QTGAL: variants seen among roughly 807,000 people sequenced by gnomAD.
QTGAL encodes BGnT-like protein 1.
chr17:83,015,685 C>T, the QTGAL span, among the ~76,000 whole-genome samples: 6 of 152,224 alleles, frequency 3.9e-5, no homozygotes, highest in East Asian at 5.8e-4. This position sits in a 1 kb window ranked among gnomAD's most constrained non-coding sequence, Gnocchi z 4.4. Context: ...GAGCGGCGGC[C>T]GGGCGAGCGT....
chr17:82,994,363 G>C, the QTGAL span, among the ~76,000 whole-genome samples: 125,806 of 151,998 alleles, frequency 0.83, 52,573 homozygotes, highest in African/African-American at 0.95. Context: ...GTATGAGCAA[G>C]TATACACCAA....
the QTGAL span, among the ~76,000 whole-genome samples, chr17:83,019,347 CAA>C: frequency 6.6e-6 from 1 of 152,132 alleles, no homozygotes; most frequent in African/African-American, 2.4e-5. Flanking sequence ...TATCAGAAAA[CAA>C]AAGACTTGAT....
At chr17:82,962,854 G>A in the QTGAL span, among the ~76,000 whole-genome samples, 1 of 152,048 alleles carries the variant, frequency 6.6e-6, no homozygotes, top group Non-Finnish European at 1.5e-5. Flanking sequence ...AGCCGCTCCC[G>A]GGTGGTGCCT....
chr17:83,026,277 C>T, the QTGAL span, among the ~76,000 whole-genome samples: 149 of 152,308 alleles, frequency 9.8e-4, no homozygotes, highest in African/African-American at 3.5e-3. Context: ...ATTCCACTTC[C>T]AGGTACAAAG....
the QTGAL span, among the ~76,000 whole-genome samples, chr17:83,010,636 T>C: frequency 6.6e-6 from 1 of 152,158 alleles, no homozygotes; most frequent in African/African-American, 2.4e-5. Context: ...GGCTGCAGAG[T>C]GCACCGCGGA....
chr17:83,034,239 CTTTTCTTAGTG>C, the QTGAL span, among the ~76,000 whole-genome samples: 14 of 152,336 alleles, frequency 9.2e-5, no homozygotes, highest in African/African-American at 3.1e-4. Context: ...CGCGCCCAGC[CTTTTCTTAGTG>C]TTTTCTTATC....
the QTGAL span, among the ~76,000 whole-genome samples, chr17:83,002,377 G>A: frequency 6.6e-6 from 1 of 152,170 alleles, no homozygotes; most frequent in Non-Finnish European, 1.5e-5. Context: ...ACCGCATTCC[G>A]GTTTGCACGA....
chr17:83,020,008 A>G, the QTGAL span, among the ~76,000 whole-genome samples: 1 of 152,192 alleles, frequency 6.6e-6, no homozygotes, highest in African/African-American at 2.4e-5. Flanking sequence ...TGCTGGGATT[A>G]TAGGTGTGAG....
chr17:82,987,556 A>C, the QTGAL span, among the ~76,000 whole-genome samples: 2 of 152,192 alleles, frequency 1.3e-5, no homozygotes, highest in Non-Finnish European at 2.9e-5. Flanking sequence ...TTTGGACAAG[A>C]TCCATCAAAA....
chr17:83,049,481 C>T, the QTGAL span, among the ~76,000 whole-genome samples: 5 of 146,876 alleles, frequency 3.4e-5, no homozygotes, highest in African/African-American at 1.3e-4. Context: ...GGCTCGATCT[C>T]GGCTCACTGC....
the QTGAL span, chr17:82,943,177 C>G: frequency 6.6e-6 from 1 of 152,336 alleles, no homozygotes; most frequent in Non-Finnish European, 1.5e-5. Flanking sequence ...AAATACCATT[C>G]TTGAAATAAT....
At chr17:83,050,082 G>A in the QTGAL span, among the ~76,000 whole-genome samples, 2 of 152,096 alleles carry the variant, frequency 1.3e-5, no homozygotes, top group African/African-American at 2.4e-5. Context: ...AGAATAAAAC[G>A]AGTTCTGGCC....
chr17:82,981,630 C>T, the QTGAL span: 1 of 152,248 alleles, frequency 6.6e-6, no homozygotes, highest in African/African-American at 2.4e-5. Flanking sequence ...TTCTTTCAAA[C>T]CCACTGTAAC....
chr17:82,968,995 G>A, the QTGAL span, among the ~76,000 whole-genome samples: 11 of 151,930 alleles, frequency 7.2e-5, no homozygotes, highest in South Asian at 2.1e-4. Context: ...TTAGCTGGGC[G>A]TGGTGGCAGG....
the QTGAL span, among the ~76,000 whole-genome samples, chr17:83,020,710 G>T: frequency 6.6e-6 from 1 of 152,220 alleles, no homozygotes; most frequent in African/African-American, 2.4e-5. Flanking sequence ...GTCTCAAAGA[G>T]TTACTGATTC....
the QTGAL span, among the ~76,000 whole-genome samples, chr17:82,968,214 G>A: frequency 2.6e-5 from 4 of 151,702 alleles, no homozygotes; most frequent in African/African-American, 9.7e-5. Context: ...CACCGTCCCC[G>A]TGTGTGTTCA....
the QTGAL span, among the ~76,000 whole-genome samples, chr17:83,051,251 T>TGAGGTGCGGGGGCAGGTGCGC: frequency 1.6e-5 from 1 of 61,562 alleles, no homozygotes; most frequent in Non-Finnish European, 3.2e-5. Flanking sequence ...ACCAGGTGTG[T>TGAGGTGCGGGGGCAGGTGCGC]GAGGTGCGGG....
chr17:82,970,646 G>GGC, the QTGAL span, among the ~76,000 whole-genome samples: 1,372 of 39,400 alleles, frequency 0.035, 269 homozygotes, highest in Middle Eastern at 0.042. Context: ...CTCCGCACCC[G>GGC]GTGTGGCCGC....
the QTGAL span, among the ~76,000 whole-genome samples, chr17:83,049,367 A>G: frequency 6.6e-6 from 1 of 152,112 alleles, no homozygotes; most frequent in East Asian, 1.9e-4. Flanking sequence ...TGGTTGAAAC[A>G]AGTATCTGGG....
Sources: allele counts gnomAD v4.1 joint callset (sites outside exome capture counted in the v4.1 genomes callset), GRCh38; gene constraint gnomAD v4.1.1; non-coding constraint Gnocchi (gnomAD v3.1); transcripts MANE v1.5; gene names NCBI Gene and HGNC (gene_info 2026-07-23, HGNC 2026-07-21).